The following CNTNAP2 variants were observed in gnomAD, a reference collection of about 807,000 sequenced individuals.
The protein encoded by CNTNAP2 is contactin-associated protein-like 2.
In CNTNAP2, 98 loss-of-function variants were observed where a neutral mutation model predicts 155.2. The observed-to-expected ratio is 0.63, with a 90% CI of 0.54 to 0.75. CNTNAP2 has a LOEUF of 0.75. CNTNAP2 is among the 30% of genes least tolerant of loss of function. The probability of loss-of-function intolerance (pLI) is 0.00; values close to 1 mark genes in which losing one functional copy is unlikely to be tolerated. For missense variants in CNTNAP2, 1,727 were observed against 1,688.1 expected, an observed-to-expected ratio of 1.02 and a Z score of -0.40; for synonymous variants, 651 against 631.2, an observed-to-expected ratio of 1.03 and a Z score of -0.47.
At chr7:148,026,406 G>A (rs1245089510) in intron 15 of CNTNAP2, among the ~76,000 whole-genome samples, 2 of 152,076 alleles carry the variant, frequency 1.3e-5, no homozygotes, top group South Asian at 2.1e-4. Context: ...AGCCATGATT[G>A]TGCCACTGCC....
intron 15 of CNTNAP2, among the ~76,000 whole-genome samples, chr7:148,041,567 C>T (rs1483524783): frequency 6.6e-6 from 1 of 152,180 alleles, no homozygotes; most frequent in Non-Finnish European, 1.5e-5. Flanking sequence ...AAACATTTTT[C>T]CTAAAATGTC....
At position 146,116,826 on chromosome 7, in the gene CNTNAP2, A is replaced by G. The variant is rs1181105070; in HGVS notation, c.-51A>G. The stretch of plus-strand genomic sequence containing the variant: ...CTTCAAGAACCCTACGGAGAGTCGG[A>G]CTGCATCTCCGCAGCGAGCTCTTGG... On this transcript the variant is annotated 5_prime_UTR_variant, in exon 1 of 24. Coordinates refer to ENST00000361727, the MANE Select transcript of CNTNAP2 (RefSeq NM_014141.6). The surrounding 1 kb of genome is among the most constrained non-coding windows in gnomAD (Gnocchi z 5.5). 1.4e-6 allele frequency: 2 copies of G among 1,416,890 alleles called. No individual in the cohort carries two copies. Among genetic ancestry groups the G allele is most frequent in the South Asian group, 1.2e-5 (1 of 80,900 alleles). 87.8% of individuals were successfully genotyped at this position (1,416,890 alleles called of 1,614,324 possible). A position where few individuals can be genotyped will look rare whatever the true frequency, so the allele number is the denominator to read the frequency against.
rs1275044622 is a variant in CNTNAP2 at position 146,201,074 on chromosome 7, A to C, written c.97+84101A>C. 2.0e-5 allele frequency among the ~76,000 whole-genome samples: 3 copies of C among 152,208 alleles called. 1 individual carries two copies. The highest frequency in any genetic ancestry group is 4.4e-5 in the Non-Finnish European group (3 of 68,028). ...TGGTCATCAGATTTGTATTTCTGCA[A>C]AATGAGATTTTCCATATTTTTGTTA... On this transcript the variant is annotated intron_variant, in intron 1 of 23. Transcript: ENST00000361727.
At chr7:148,277,659 A>G (rs953684994) in intron 21 of CNTNAP2, among the ~76,000 whole-genome samples, 6 of 151,212 alleles carry the variant, frequency 4.0e-5, no homozygotes, top group African/African-American at 1.5e-4. Flanking sequence ...GCAAGGCAAG[A>G]GCCCTAAACC....
At chr7:146,261,245 G>A (rs1799915267) in intron 1 of CNTNAP2, among the ~76,000 whole-genome samples, 1 of 151,880 alleles carries the variant, frequency 6.6e-6, no homozygotes, top group South Asian at 2.1e-4. Flanking sequence ...ATAGCAGTGT[G>A]AGAATGGAAT....
chr7:148,320,858 TC>T (rs1797780109), intron 21 of CNTNAP2, among the ~76,000 whole-genome samples: 1 of 152,206 alleles, frequency 6.6e-6, no homozygotes, highest in African/African-American at 2.4e-5. Flanking sequence ...AGTTTTAACC[TC>T]CTTAAAATGC....
In CNTNAP2 at chr7:147,710,640, T is replaced by C. The variant is rs889394367; in HGVS notation, c.2098+71334T>C. Among the ~76,000 whole-genome samples, 4 of 152,214 alleles carry C rather than the reference T, an allele frequency of 2.6e-5. No individual in the cohort carries two copies. The East Asian group carries it at 5.8e-4, about 22-fold the overall frequency. On this transcript the variant is annotated intron_variant, in intron 13 of 23. Transcript: ENST00000361727. Reference sequence around the variant, plus strand: ...CTATACCGTTCCCTAAATGTTGCTCTTTTAGAACTATAATCCTATATTATT... The same window carrying C: ...CTATACCGTTCCCTAAATGTTGCTCCTTTAGAACTATAATCCTATATTATT...
chr7:147,324,818 T>G (rs764322447), intron 9 of CNTNAP2, among the ~76,000 whole-genome samples: 1 of 152,036 alleles, frequency 6.6e-6, no homozygotes, highest in Non-Finnish European at 1.5e-5. Flanking sequence ...TCTATTAATT[T>G]TCATTGCCAG....
intron 1 of CNTNAP2, among the ~76,000 whole-genome samples, chr7:146,567,609 G>A (rs1329079848): frequency 1.3e-5 from 2 of 152,118 alleles, no homozygotes; most frequent in Non-Finnish European, 1.5e-5. Flanking sequence ...ATTCTAAGTA[G>A]TGTCAAGCAC....
chr7:147,428,319 C>A (rs1437074419), intron 10 of CNTNAP2, among the ~76,000 whole-genome samples: 1 of 151,994 alleles, frequency 6.6e-6, no homozygotes, highest in Non-Finnish European at 1.5e-5. Flanking sequence ...AACTTTGCAG[C>A]CTTTTTTTTC....
rs1178263623 is a variant in CNTNAP2 at position 146,783,761 on chromosome 7, A to G, written c.208+9380A>G. Among the ~76,000 whole-genome samples the G allele has an allele frequency of 2.0e-5, 3 of 152,240 alleles. No homozygotes were observed. In the East Asian group the frequency reaches 5.8e-4, roughly 29 times the overall value. On this transcript the variant is annotated intron_variant, in intron 2 of 23. Coordinates refer to ENST00000361727, the MANE Select transcript of CNTNAP2 (RefSeq NM_014141.6). ...TGCATGATGTTAATATGTGTGGTGA[A>G]CACACGTATATACATACAAGTTTCC...
chr7:147,036,446 A>T (rs1799153055), intron 3 of CNTNAP2, among the ~76,000 whole-genome samples: 1 of 152,228 alleles, frequency 6.6e-6, no homozygotes, highest in Admixed American at 6.5e-5. Flanking sequence ...TGTACAATTT[A>T]TAAGACAAGA....
chr7:147,123,492 C>T (rs540852816), intron 6 of CNTNAP2, among the ~76,000 whole-genome samples: 15 of 152,300 alleles, frequency 9.8e-5, no homozygotes, highest in African/African-American at 3.4e-4. Context: ...TATACAATGT[C>T]GTGTTTGAGA....
intron 1 of CNTNAP2, among the ~76,000 whole-genome samples, chr7:146,307,366 G>A (rs2129089695): frequency 6.6e-6 from 1 of 152,246 alleles, no homozygotes; most frequent in East Asian, 1.9e-4. Context: ...CATGCTCATG[G>A]ATAGGAAGAA....
At chr7:146,360,457 AAC>A (rs1434887849) in intron 1 of CNTNAP2, among the ~76,000 whole-genome samples, 4 of 152,240 alleles carry the variant, frequency 2.6e-5, no homozygotes, top group African/African-American at 9.6e-5. Context: ...AAATGTGGAA[AAC>A]ACAGACTTAT....
intron 10 of CNTNAP2, among the ~76,000 whole-genome samples, chr7:147,462,840 G>A (rs938184755): frequency 4.6e-5 from 7 of 152,096 alleles, no homozygotes; most frequent in East Asian, 1.9e-4. Context: ...GTGCAGTGGC[G>A]CAATCTTGGC....
intron 12 of CNTNAP2, among the ~76,000 whole-genome samples, chr7:147,605,339 C>T (rs1025513244): frequency 2.0e-5 from 3 of 152,012 alleles, no homozygotes; most frequent in Admixed American, 6.6e-5. Flanking sequence ...CATGGAGTCC[C>T]ACAAAATATG....
At chr7:146,513,283 T>C (rs34414358) in intron 1 of CNTNAP2, among the ~76,000 whole-genome samples, 8,136 of 152,056 alleles carry the variant, frequency 0.054, 300 homozygotes, top group Non-Finnish European at 0.085. Context: ...TGGAGAATTT[T>C]CCATTTACAT....
chr7:147,957,764 G>T (rs896267163), intron 14 of CNTNAP2, among the ~76,000 whole-genome samples: 1 of 152,046 alleles, frequency 6.6e-6, no homozygotes. Context: ...AATTGTATAC[G>T]TAAAAAAAGA....
Sources: allele counts gnomAD v4.1 joint callset (sites outside exome capture counted in the v4.1 genomes callset), GRCh38; gene constraint gnomAD v4.1.1; non-coding constraint Gnocchi (gnomAD v3.1); transcripts MANE v1.5; gene names NCBI Gene and HGNC (gene_info 2026-07-23, HGNC 2026-07-21).